The following GAB1 variants were observed in gnomAD, a reference collection of about 807,000 sequenced individuals.
GAB1 encodes the protein GRB2-associated-binding protein 1.
GAB1 carries 19 observed loss-of-function variants against 66.5 expected under a neutral mutation model. The ratio of observed to expected loss-of-function variants is 0.29; its 90% confidence interval spans 0.20 to 0.42. GAB1 has a LOEUF of 0.42. GAB1 is among the 10% of genes least tolerant of loss of function. The pLI is 1.00. For missense variants in GAB1, 732 were observed against 858.5 expected (o/e 0.85, Z 1.84); for synonymous variants, 294 against 301.4 (o/e 0.98, Z 0.25).
In GAB1 at chr4:143,433,699, G is replaced by C. The variant is rs1287277014; in HGVS notation, c.576G>C (p.Lys192Asn). The C allele has an allele frequency of 1.2e-6, 2 of 1,613,866 alleles. No homozygotes were observed. The highest frequency in any genetic ancestry group is 1.3e-5 in the African/African-American group (1 of 75,054). ...DYLLLINCQSKKPEPTRTHAD... is the reference protein window; with the variant it reads ...DYLLLINCQSNKPEPTRTHAD... ...TGTTGCTCATCAACTGTCAAAGCAA[G>C]AAGCCCGAACCCACCAGGTAAATTA... Residue 192 changes from lysine (K) to asparagine (N), a missense_variant, in exon 3 of 10, where the codon AAG becomes AAC. Lys to Asn is a moderately conservative substitution (Grantham distance 94). Coordinates refer to ENST00000262994, the MANE Select transcript of GAB1 (RefSeq NM_002039.4).
intron 1 of GAB1, among the ~76,000 whole-genome samples, chr4:143,360,078 A>G (rs719392): frequency 0.51 from 77,183 of 151,986 alleles, 20,564 homozygotes; most frequent in African/African-American, 0.67. Context: ...ATGGCTGTTT[A>G]TTGTATGTTG....
Position 143,440,104 on chromosome 4 carries a change from G to T in GAB1, c.1307G>T (p.Gly436Val). The T allele has an allele frequency of 6.2e-7, 1 of 1,614,016 alleles. No individual in the cohort carries two copies. Residue 436 changes from glycine to valine, a missense_variant, in exon 6 of 10, where the codon GGA (glycine) becomes GTA (valine). Coordinates refer to ENST00000262994, the MANE Select transcript of GAB1 (RefSeq NM_002039.4). ...HFKVKNVLTV[G>V]SVSSEELDEN... ...AAAGTCAAAAATGTGTTGACAGTGG[G>T]AAGTGTTTCAAGTGAAGAACTGGAT...
chr4:143,402,811 A>G (rs1441223203), intron 1 of GAB1, among the ~76,000 whole-genome samples: 1 of 152,234 alleles, frequency 6.6e-6, no homozygotes, highest in African/African-American at 2.4e-5. Context: ...TGAAAACCCA[A>G]AGCCAATCCC....
At chr4:143,428,204 A>G (rs1578700330) in intron 2 of GAB1, among the ~76,000 whole-genome samples, 1 of 152,300 alleles carries the variant, frequency 6.6e-6, no homozygotes, top group East Asian at 1.9e-4. Flanking sequence ...AACTTCCATT[A>G]TTGTCTGCCT....
At chr4:143,373,263 G>GTT (rs1409961000) in intron 1 of GAB1, among the ~76,000 whole-genome samples, 1 of 152,146 alleles carries the variant, frequency 6.6e-6, no homozygotes, top group East Asian at 1.9e-4. Context: ...CTAACTTGGT[G>GTT]TTGTCTACAT....
At chr4:143,398,855 T>G (rs1397682903) in intron 1 of GAB1, among the ~76,000 whole-genome samples, 3 of 151,924 alleles carry the variant, frequency 2.0e-5, no homozygotes, top group Non-Finnish European at 4.4e-5. Flanking sequence ...AGCTCAGGAG[T>G]TCGAGACCAA....
intron 1 of GAB1, among the ~76,000 whole-genome samples, chr4:143,390,054 G>T (rs1731108816): frequency 1.3e-5 from 2 of 152,114 alleles, no homozygotes; most frequent in African/African-American, 4.8e-5. Context: ...CATAATATTA[G>T]ACACAGCCAA....
rs564653109 is a variant in GAB1, at chr4:143,379,181, CAA to C, written c.73-36294_73-36293del. On this transcript the variant is annotated intron_variant, in intron 1 of 9. Transcript: ENST00000262994. ...AGAGTTATGCATATAATTCAGCAAA[CAA>C]AGAGGCAAGTTGAAAAGGGTTTATT... is the stretch of plus-strand genomic sequence containing the variant. 3.9e-5 allele frequency among the ~76,000 whole-genome samples: 6 copies of C among 152,196 alleles called. No homozygotes were observed. The South Asian group carries it at 1.0e-3, about 26-fold the overall frequency.
intron 6 of GAB1, among the ~76,000 whole-genome samples, chr4:143,450,050 A>C (rs1014762930): frequency 6.6e-6 from 1 of 152,164 alleles, no homozygotes; most frequent in Non-Finnish European, 1.5e-5. Flanking sequence ...CAGGTATTAA[A>C]GTTTAAATCT....
At chr4:143,436,740 T>A (rs532447360) in intron 3 of GAB1, among the ~76,000 whole-genome samples, 1 of 152,242 alleles carries the variant, frequency 6.6e-6, no homozygotes, top group African/African-American at 2.4e-5. Context: ...ACTTAAGAAG[T>A]AAATGGATTT....
At chr4:143,405,042 CAA>C (rs1036722973) in intron 1 of GAB1, among the ~76,000 whole-genome samples, 5 of 152,018 alleles carry the variant, frequency 3.3e-5, no homozygotes, top group Non-Finnish European at 7.4e-5. Flanking sequence ...ACTGCATAAA[CAA>C]TATTTATTTT....
intron 6 of GAB1, among the ~76,000 whole-genome samples, chr4:143,456,246 A>G (rs1473129105): frequency 6.6e-6 from 1 of 152,154 alleles, no homozygotes; most frequent in Non-Finnish European, 1.5e-5. Context: ...TCACAAGGTC[A>G]GGAGATCGAG....
chr4:143,419,061 T>C (rs1335768211), intron 2 of GAB1, among the ~76,000 whole-genome samples: 5 of 152,140 alleles, frequency 3.3e-5, no homozygotes, highest in African/African-American at 4.8e-5. Flanking sequence ...AAATATATAT[T>C]AGGTGATTAG....
intron 1 of GAB1, among the ~76,000 whole-genome samples, chr4:143,410,979 G>A (rs904742611): frequency 6.6e-6 from 1 of 152,224 alleles, no homozygotes; most frequent in African/African-American, 2.4e-5. Context: ...AGAGCTCAGA[G>A]CCAACTCGGA....
At chr4:143,374,938 C>T (rs889450273) in intron 1 of GAB1, among the ~76,000 whole-genome samples, 1 of 152,152 alleles carries the variant, frequency 6.6e-6, no homozygotes, top group Non-Finnish European at 1.5e-5. Context: ...TCTTGGAATA[C>T]TTTTTCAAGA....
intron 6 of GAB1, among the ~76,000 whole-genome samples, chr4:143,449,925 T>G (rs113208326): frequency 0.012 from 1,779 of 152,176 alleles, 27 homozygotes; most frequent in African/African-American, 0.041. Context: ...CTTTGCACCT[T>G]AGGAGTAAAG....
At chr4:143,423,240 T>C (rs948144221) in intron 2 of GAB1, among the ~76,000 whole-genome samples, 2 of 152,248 alleles carry the variant, frequency 1.3e-5, no homozygotes, top group Non-Finnish European at 2.9e-5. Context: ...GTGCATTGTC[T>C]GAGCCAAAGT....
At chr4:143,358,762 G>A (rs1729544499) in intron 1 of GAB1, among the ~76,000 whole-genome samples, 1 of 152,140 alleles carries the variant, frequency 6.6e-6, no homozygotes, top group Admixed American at 6.6e-5. Context: ...GATTAAAAAA[G>A]CTAAATGAAA....
At chr4:143,457,595 CTTTTTTT>C in intron 6 of GAB1, 3 of 294,416 alleles carry the variant, frequency 1.0e-5, no homozygotes, top group East Asian at 1.3e-4. Flanking sequence ...GGCTCTGTTG[CTTTTTTT>C]TTTTTTTTTT....
Sources: gnomAD v4.1 joint callset for allele counts (sites outside exome capture counted in the v4.1 genomes callset) on GRCh38, gnomAD v4.1.1 for gene constraint, MANE v1.5 for transcripts, NCBI Gene and HGNC (gene_info 2026-07-23, HGNC 2026-07-21) for gene names.